COBL: variants seen among roughly 807,000 people sequenced by gnomAD.
COBL encodes the protein cordon-bleu WH2 repeat protein, also known as protein cordon-bleu.
A neutral mutation model predicts 98.8 loss-of-function variants in COBL; 51 were observed. The ratio of observed to expected loss-of-function variants is 0.52; its 90% confidence interval spans 0.41 to 0.65. The LOEUF is 0.65. Ranked by LOEUF, COBL falls within the 30% of genes least tolerant of loss-of-function variation. COBL has a pLI of 0.00. For missense variants in COBL, 1,617 were observed against 1,617.5 expected (o/e 1.00, Z 0.01); for synonymous variants, 634 against 651.7 (o/e 0.97, Z 0.41).
intron 5 of COBL, among the ~76,000 whole-genome samples, chr7:51,183,467 T>C (rs1172367557): frequency 1.3e-5 from 2 of 152,238 alleles, no homozygotes; most frequent in Non-Finnish European, 1.5e-5. Context: ...TAATTAATTA[T>C]AAAAATCTTC....
At chr7:51,101,928 G>A (rs899387675) in intron 6 of COBL, among the ~76,000 whole-genome samples, 3 of 152,124 alleles carry the variant, frequency 2.0e-5, no homozygotes, top group Non-Finnish European at 4.4e-5. Context: ...ATATTAGAAG[G>A]TGGAGCCTTT....
chr7:51,083,355 A>C, intron 7 of COBL: 1 of 642,936 alleles, frequency 1.6e-6, no homozygotes, highest in South Asian at 2.1e-5. Flanking sequence ...CACACCTAAC[A>C]CCAGATCCAG....
At chr7:51,116,735 T>C (rs1317552039) in intron 6 of COBL, among the ~76,000 whole-genome samples, 1 of 152,144 alleles carries the variant, frequency 6.6e-6, no homozygotes, top group Non-Finnish European at 1.5e-5. Flanking sequence ...CTGTTAAGTG[T>C]TTCTTTTATG....
At chr7:51,069,614 A>C (rs913157112) in intron 7 of COBL, among the ~76,000 whole-genome samples, 2 of 152,234 alleles carry the variant, frequency 1.3e-5, no homozygotes, top group African/African-American at 2.4e-5. Context: ...TAATATTGGC[A>C]ACTTTACCTG....
At chr7:51,296,178 G>A (rs111468147) in intron 1 of COBL, among the ~76,000 whole-genome samples, 126 of 152,274 alleles carry the variant, frequency 8.3e-4, no homozygotes, top group African/African-American at 2.9e-3. Context: ...TGTGGGATCT[G>A]TCAGAGCAGG....
rs1796478495 is a variant in COBL at position 51,248,732 on chromosome 7, T to C, written c.42-28788A>G. Among the ~76,000 whole-genome samples, 3 of 152,244 alleles carry C rather than the reference T, an allele frequency of 2.0e-5. No homozygotes were observed. In the South Asian group the frequency reaches 6.2e-4, roughly 32 times the overall value. On this transcript the variant is annotated intron_variant, in intron 1 of 12. Transcript: ENST00000265136. The stretch of plus-strand genomic sequence containing the variant: ...ACAAATCATTTTAATTTAAAAGAAC[T>C]AGGAAATATATTTTAACAACAAAAT...
intron 4 of COBL, among the ~76,000 whole-genome samples, chr7:51,190,441 C>G (rs1414115605): frequency 6.6e-6 from 1 of 152,118 alleles, no homozygotes; most frequent in Non-Finnish European, 1.5e-5. Flanking sequence ...GTCTTGAACT[C>G]CTGAGCTCAA....
intron 5 of COBL, among the ~76,000 whole-genome samples, chr7:51,177,873 G>A (rs779884643): frequency 3.3e-5 from 5 of 151,528 alleles, no homozygotes; most frequent in Admixed American, 6.6e-5. Flanking sequence ...GGCCGGGCAC[G>A]GTGGCTCATG....
At chr7:51,237,381 G>A (rs1447948426) in intron 1 of COBL, among the ~76,000 whole-genome samples, 1 of 152,050 alleles carries the variant, frequency 6.6e-6, no homozygotes, top group African/African-American at 2.4e-5. Flanking sequence ...TTCCTATGTT[G>A]AAAATAATAT....
At chr7:51,244,129 C>A (rs1026265306) in intron 1 of COBL, among the ~76,000 whole-genome samples, 1 of 152,220 alleles carries the variant, frequency 6.6e-6, no homozygotes, top group Non-Finnish European at 1.5e-5. Context: ...GTGCTCAGCT[C>A]CCACCCTCAA....
At chr7:51,231,775 G>A (rs1429715810) in intron 1 of COBL, among the ~76,000 whole-genome samples, 1 of 152,198 alleles carries the variant, frequency 6.6e-6, no homozygotes, top group Non-Finnish European at 1.5e-5. Context: ...CAGAAGCTGA[G>A]GGTGGGACCC....
chr7:51,067,925 C>T (rs548751281), intron 7 of COBL, among the ~76,000 whole-genome samples: 1 of 152,318 alleles, frequency 6.6e-6, no homozygotes. Context: ...GCAGCCCCTT[C>T]GACTGCTTGC....
chr7:51,226,493 C>T (rs1231862791), intron 1 of COBL, among the ~76,000 whole-genome samples: 1 of 148,784 alleles, frequency 6.7e-6, no homozygotes, highest in Non-Finnish European at 1.5e-5. Context: ...AAGTGCTGGG[C>T]CCAGGGAAGG....
rs76571603 is a variant in COBL at position 51,179,081 on chromosome 7, T to C, written c.783+5021A>G. Among the ~76,000 whole-genome samples the C allele has an allele frequency of 2.4e-3, 361 of 152,372 alleles. 3 individuals carry two copies. The South Asian group carries it at 0.037, about 16-fold the overall frequency. ...GAAACTTCAAATTCTAATGAGTCTT[T>C]CTCACATTGAACTAACTTTTGGAGA... is the stretch of plus-strand genomic sequence containing the variant. On this transcript the variant is annotated intron_variant, in intron 5 of 12. Coordinates refer to ENST00000265136, the MANE Select transcript of COBL (RefSeq NM_015198.5).
intron 6 of COBL, among the ~76,000 whole-genome samples, chr7:51,121,485 T>C (rs937592967): frequency 2.0e-5 from 3 of 152,230 alleles, no homozygotes; most frequent in African/African-American, 4.8e-5. Context: ...GTTGACTGTG[T>C]CCTTTGGTGC....
rs564009748 is a variant in COBL at position 51,188,146 on chromosome 7, G to C, written c.685+2704C>G. Among the ~76,000 whole-genome samples, 371 of 152,386 alleles carry C rather than the reference G, an allele frequency of 2.4e-3. 2 individuals carry two copies. The highest frequency in any genetic ancestry group is 8.4e-3 in the African/African-American group (351 of 41,592). On this transcript the variant is annotated intron_variant, in intron 4 of 12. Coordinates refer to ENST00000265136, the MANE Select transcript of COBL (RefSeq NM_015198.5). ...GGGCCACAGCTGCATAGCCTGCTAA[G>C]CACCGCTGAGGACGCAGGTGGCAGC...
intron 8 of COBL, chr7:51,033,422 A>C (rs1788342616): frequency 6.6e-6 from 1 of 152,274 alleles, no homozygotes; most frequent in African/African-American, 2.4e-5. Flanking sequence ...TATATTTCAA[A>C]GGGCATTAAA....
intron 7 of COBL, among the ~76,000 whole-genome samples, chr7:51,069,472 A>G (rs1792293234): frequency 6.6e-6 from 1 of 152,254 alleles, no homozygotes; most frequent in African/African-American, 2.4e-5. Context: ...AGTGCATGGC[A>G]AGTGCCGGCC....
At position 51,225,556 on chromosome 7, in the gene COBL, T is replaced by G. The variant is rs117044862; in HGVS notation, c.42-5612A>C. On this transcript the variant is annotated intron_variant, in intron 1 of 12. Coordinates refer to ENST00000265136, the MANE Select transcript of COBL (RefSeq NM_015198.5). ...GAATCACAGCACACACAACTCAAGC[T>G]TCCTTTGATCTATTCAGGTTGAAAA... Among the ~76,000 whole-genome samples, 174 of 152,344 alleles carry G rather than the reference T, an allele frequency of 1.1e-3. 1 individual carries two copies. The highest frequency in any genetic ancestry group is 3.3e-3 in the South Asian group (16 of 4,830).
Sources: gnomAD v4.1 joint callset for allele counts (sites outside exome capture counted in the v4.1 genomes callset) on GRCh38, gnomAD v4.1.1 for gene constraint, MANE v1.5 for transcripts, NCBI Gene and HGNC (gene_info 2026-07-23, HGNC 2026-07-21) for gene names.